The following EIF5A variants were observed in gnomAD, a reference collection of about 807,000 sequenced individuals.
The protein encoded by EIF5A is eukaryotic translation initiation factor 5A, also known as eukaryotic translation initiation factor 5A-1.
Under a neutral mutation model 16.6 loss-of-function variants are expected in EIF5A, and 1 was observed. The observed-to-expected ratio is 0.06, with a 90% CI of 0.02 to 0.28. The LOEUF is 0.28. Ranked by LOEUF, EIF5A falls within the 10% of genes least tolerant of loss-of-function variation. The pLI, the probability that EIF5A is intolerant of heterozygous loss-of-function variation, is 1.00. For missense variants in EIF5A, 29 were observed against 196.1 expected, an observed-to-expected ratio of 0.15 and a Z score of 5.09; for synonymous variants, 80 against 73.6, an observed-to-expected ratio of 1.09 and a Z score of -0.44.
upstream of EIF5A, chr17:7,307,132 C>T: frequency 6.3e-7 from 1 of 1,581,656 alleles, no homozygotes; most frequent in Middle Eastern, 1.7e-4. Flanking sequence ...CGTTTAAGTC[C>T]AGTTAAAGCC....
intron 2 of EIF5A, chr17:7,310,203 T>C (rs1313277917): frequency 2.3e-6 from 3 of 1,291,504 alleles, no homozygotes; most frequent in Non-Finnish European, 3.0e-6. Flanking sequence ...CGCCTTCCCC[T>C]GGAGGGACTC....
At chr17:7,310,689 GA>G in intron 2 of EIF5A, 1 of 985,184 alleles carries the variant, frequency 1.0e-6, no homozygotes, top group South Asian at 4.7e-5. Flanking sequence ...CTGGTGTCCG[GA>G]AAACTCTTCG....
At chr17:7,310,457 G>A (rs1260599704) in intron 2 of EIF5A, 8 of 1,146,208 alleles carry the variant, frequency 7.0e-6, no homozygotes, top group Non-Finnish European at 7.5e-6. Flanking sequence ...TTCTTGTGGT[G>A]TTTTTCCTTA....
At chr17:7,308,318 G>A (rs552173451) in intron 1 of EIF5A, 2 of 1,156,182 alleles carry the variant, frequency 1.7e-6, no homozygotes, top group South Asian at 3.3e-5. Flanking sequence ...GCAGCGCGGG[G>A]ACCCCTCCCC....
upstream of EIF5A, chr17:7,307,619 G>A: frequency 9.8e-7 from 1 of 1,024,602 alleles, no homozygotes; most frequent in Non-Finnish European, 1.2e-6. Context: ...GTGGGGAGTC[G>A]GCGCCTGCGT....
chr17:7,307,081 G>A (rs779169374), upstream of EIF5A: 166 of 1,603,758 alleles, frequency 1.0e-4, no homozygotes, highest in Non-Finnish European at 1.3e-4. Context: ...TCCAAGACAA[G>A]GCGCCCACCC....
upstream of EIF5A, chr17:7,307,027 C>A (rs774735043): frequency 5.7e-6 from 9 of 1,576,588 alleles, no homozygotes; most frequent in South Asian, 1.2e-5. Context: ...AAGAGTGGGG[C>A]GGAAAGACAT....
chr17:7,307,911 G>C (rs1356686024), intron 1 of EIF5A, 159 bp downstream of exon 1: 1 of 984,140 alleles, frequency 1.0e-6, no homozygotes, highest in African/African-American at 1.8e-5. Context: ...GCGGGCGCGC[G>C]CCCCGGTTGG....
rs748647159 is a variant in EIF5A at position 7,311,499 on chromosome 17, C to T, written c.402+18C>T. On this transcript the variant is annotated intron_variant, in intron 4 of 5. Coordinates refer to ENST00000336458, the MANE Select transcript of EIF5A (RefSeq NM_001970.5). Reference sequence around the variant, plus strand: ...AGATCCTGGTATGGTGCCTCCCTCCCTGCTTCTGTGCTCAGCTTTGTTCTG... The same window carrying T: ...AGATCCTGGTATGGTGCCTCCCTCCTTGCTTCTGTGCTCAGCTTTGTTCTG... The T allele has an allele frequency of 3.1e-6, 5 of 1,614,044 alleles. No homozygotes were observed. The East Asian group carries it at 1.1e-4, about 36-fold the overall frequency.
chr17:7,307,538 G>C, upstream of EIF5A: 3 of 1,012,862 alleles, frequency 3.0e-6, no homozygotes, highest in Non-Finnish European at 3.5e-6. Context: ...CGCTTGCGCA[G>C]TGCGGGGGTG....
intron 2 of EIF5A, chr17:7,310,682 G>A: frequency 1.0e-6 from 1 of 984,946 alleles, no homozygotes; most frequent in Non-Finnish European, 1.2e-6. Context: ...CCTTCTCCTG[G>A]TGTCCGGAAA....
upstream of EIF5A, chr17:7,307,584 T>G (rs1236114251): frequency 9.9e-7 from 1 of 1,006,002 alleles, no homozygotes; most frequent in South Asian, 3.7e-5. Context: ...CTTGCGCGGC[T>G]GTCATAGGGC....
At chr17:7,310,553 T>A (rs1338019314) in intron 2 of EIF5A, 3 of 1,088,902 alleles carry the variant, frequency 2.8e-6, no homozygotes, top group East Asian at 1.7e-4. Flanking sequence ...CTGGCTTCCT[T>A]ATTTTCTAGC....
chr17:7,307,216 C>A, upstream of EIF5A: 5 of 1,353,892 alleles, frequency 3.7e-6, no homozygotes, highest in East Asian at 2.6e-5. Context: ...TTTTCAACGC[C>A]TGGCGTACTG....
chr17:7,307,167 A>C (rs966718504), upstream of EIF5A: 3 of 1,531,456 alleles, frequency 2.0e-6, no homozygotes, highest in African/African-American at 2.7e-5. Context: ...CCTGAGACGC[A>C]TGCGTTCTAG....
At chr17:7,311,173 G>A (rs1327694556) in intron 3 of EIF5A, 51 bp downstream of exon 3, 4 of 1,600,598 alleles carry the variant, frequency 2.5e-6, no homozygotes, top group Middle Eastern at 1.7e-4. Flanking sequence ...GGTGGAGGGA[G>A]GGGTTGGGGG....
chr17:7,309,988 T>C (rs763436571), intron 2 of EIF5A, 188 bp downstream of exon 2: 7 of 1,532,424 alleles, frequency 4.6e-6, no homozygotes, highest in Middle Eastern at 3.3e-4. Flanking sequence ...CAGCCTCTTC[T>C]GTGGTTACCC....
rs1190437859 is a variant in EIF5A, at chr17:7,307,701, G to A, written c.-73G>A. ...GGCGGCGGCAGCGGGCTCGGAGGCA[G>A]CGGTTGGGCTCGCGGCGAGCGGACG... On this transcript the variant is annotated 5_prime_UTR_variant, in exon 1 of 6. Transcript: ENST00000336458. 5 of 1,049,028 alleles carry A rather than the reference G, an allele frequency of 4.8e-6. No individual in the cohort carries two copies. In the East Asian group the frequency reaches 5.0e-4, roughly 106 times the overall value. 65.0% of individuals were successfully genotyped at this position (1,049,028 alleles called of 1,614,324 possible). A position where few individuals can be genotyped will look rare whatever the true frequency, so the allele number is the denominator to read the frequency against.
intron 1 of EIF5A, 156 bp from the exon 2 acceptor site, chr17:7,309,459 G>T: frequency 1.1e-6 from 1 of 949,872 alleles, no homozygotes; most frequent in Non-Finnish European, 1.6e-6. Context: ...GAGTATATTT[G>T]AGCCCAGTCA....
Sources: allele counts gnomAD v4.1 joint callset, GRCh38; gene constraint gnomAD v4.1.1; transcripts MANE v1.5; gene names NCBI Gene and HGNC (gene_info 2026-07-23, HGNC 2026-07-21).